The following TSPAN18 variants were observed in gnomAD, a reference collection of about 807,000 sequenced individuals.
TSPAN18 encodes the protein tetraspanin-18.
Under a neutral mutation model 27.3 loss-of-function variants are expected in TSPAN18, and 14 were observed. The ratio of observed to expected loss-of-function variants is 0.51; its 90% CI spans 0.34 to 0.80. The LOEUF is 0.80. Ranked by LOEUF, TSPAN18 falls within the 30% of genes least tolerant of loss-of-function variation. The pLI is 0.01. For missense variants in TSPAN18, 268 were observed against 323.9 expected, an observed-to-expected ratio of 0.83 and a Z score of 1.32; for synonymous variants, 143 against 136.5, an observed-to-expected ratio of 1.05 and a Z score of -0.33.
chr11:44,764,967 G>T (rs1014759060), intron 2 of TSPAN18, among the ~76,000 whole-genome samples: 1 of 152,152 alleles, frequency 6.6e-6, no homozygotes, highest in African/African-American at 2.4e-5. Context: ...AAATCCACAA[G>T]TACTAGGATC....
intron 3 of TSPAN18, among the ~76,000 whole-genome samples, chr11:44,882,627 C>CACACAG (rs375349718): frequency 0.037 from 4,838 of 130,562 alleles, 119 homozygotes; most frequent in Middle Eastern, 0.07. Flanking sequence ...CACACACACA[C>CACACAG]AGAGAGAGAG....
chr11:44,897,618 A>G (rs1255932531), intron 3 of TSPAN18: 2 of 465,950 alleles, frequency 4.3e-6, no homozygotes, highest in Non-Finnish European at 7.6e-6. Context: ...ATGAGCTCTA[A>G]TGGGCCCAGA....
chr11:44,897,759 G>C (rs750457163), intron 3 of TSPAN18: 1 of 1,288,658 alleles, frequency 7.8e-7, no homozygotes, highest in Non-Finnish European at 1.0e-6. Context: ...AAGCTGGGCC[G>C]ATAAAAGAAA....
chr11:44,846,414 A>C (rs958847385), intron 2 of TSPAN18, among the ~76,000 whole-genome samples: 2 of 152,078 alleles, frequency 1.3e-5, no homozygotes, highest in Non-Finnish European at 2.9e-5. Flanking sequence ...GTGATGGGGG[A>C]GGGCGCTTGG....
intron 3 of TSPAN18, among the ~76,000 whole-genome samples, chr11:44,881,627 G>C (rs1858491848): frequency 6.6e-6 from 1 of 152,186 alleles, no homozygotes. Flanking sequence ...CTGTAGCCCA[G>C]CAATGCAAGT....
chr11:44,865,930 G>T (rs956013099), intron 3 of TSPAN18, among the ~76,000 whole-genome samples: 1 of 152,226 alleles, frequency 6.6e-6, no homozygotes, highest in Non-Finnish European at 1.5e-5. Flanking sequence ...GGATGGGAGT[G>T]GCCTGAGCCG....
chr11:44,918,011 T>C lies in TSPAN18; in HGVS notation c.298T>C (p.Ser100Pro). ...FILIIFLAEL[S>P]AAILAFIFRE... ...CCTGATCATCTTCCTGGCAGAGCTC[T>C]CAGCAGCCATCCTGGCCTTCATCTT... Residue 100 changes from serine (S) to proline (P), a missense_variant, in exon 6 of 10, where the codon TCA (serine) becomes CCA (proline). Ser to Pro is a moderately conservative substitution (Grantham distance 74). Coordinates refer to ENST00000520358, the MANE Select transcript of TSPAN18 (RefSeq NM_130783.5). 1 of 1,614,160 alleles carries C rather than the reference T, an allele frequency of 6.2e-7. No individual in the cohort carries two copies. Among genetic ancestry groups the C allele is most frequent in the Non-Finnish European group, 8.5e-7 (1 of 1,180,018 alleles).
chr11:44,868,692 C>G (rs750979018), intron 3 of TSPAN18, among the ~76,000 whole-genome samples: 2 of 152,152 alleles, frequency 1.3e-5, no homozygotes, highest in Non-Finnish European at 2.9e-5. Flanking sequence ...AGCCACTGGC[C>G]GGGAGGAGAA....
chr11:44,826,909 C>T (rs1857054765), intron 2 of TSPAN18, among the ~76,000 whole-genome samples: 1 of 152,156 alleles, frequency 6.6e-6, no homozygotes, highest in Non-Finnish European at 1.5e-5. Flanking sequence ...CCTCCCTGAC[C>T]TGTTGGTGCC....
At chr11:44,763,896 G>A (rs1164039665) in intron 1 of TSPAN18, among the ~76,000 whole-genome samples, 2 of 152,000 alleles carry the variant, frequency 1.3e-5, no homozygotes, top group South Asian at 4.2e-4. Flanking sequence ...CTGAGACTGG[G>A]TAATTTATAT....
At chr11:44,925,662 A>G (rs1282317476) in intron 8 of TSPAN18, 1 of 152,240 alleles carries the variant, frequency 6.6e-6, no homozygotes, top group Admixed American at 6.5e-5. Context: ...ACCGTCACCC[A>G]AAAAGGGCTG....
At chr11:44,740,202 G>T (rs1404136899) in intron 1 of TSPAN18, among the ~76,000 whole-genome samples, 2 of 152,226 alleles carry the variant, frequency 1.3e-5, no homozygotes, top group African/African-American at 2.4e-5. Context: ...CTTGTGGGGT[G>T]CAGGGGCCTG....
chr11:44,847,591 C>G (rs1386636505), intron 2 of TSPAN18, among the ~76,000 whole-genome samples: 1 of 152,178 alleles, frequency 6.6e-6, no homozygotes, highest in Non-Finnish European at 1.5e-5. Flanking sequence ...CTGCTATAAA[C>G]ATTTGTGTAC....
intron 1 of TSPAN18, among the ~76,000 whole-genome samples, chr11:44,761,985 C>T (rs1855464470): frequency 1.3e-5 from 2 of 152,226 alleles, no homozygotes; most frequent in South Asian, 4.1e-4. Context: ...AGGCAGAACC[C>T]TGGGTTCAAG....
Position 44,929,283 on chromosome 11 carries a change from T to A in TSPAN18, c.*105T>A. 7.0e-7 allele frequency: 1 copy of A among 1,438,660 alleles called. No homozygotes were observed. Among genetic ancestry groups the A allele is most frequent in the Non-Finnish European group, 9.7e-7 (1 of 1,033,904 alleles). The allele number at this position is 1,438,660 out of a possible 1,614,324, so 89.1% of individuals were successfully genotyped here. ...GTCCTCTTGGCCCCAGGGGAGAAGA[T>A]GAGGCCATCAGAGATGGCCAGGAGA... On this transcript the variant is annotated 3_prime_UTR_variant, in exon 10 of 10. Transcript: ENST00000520358.
chr11:44,901,008 T>G (rs755637992), intron 3 of TSPAN18, among the ~76,000 whole-genome samples: 1 of 152,144 alleles, frequency 6.6e-6, no homozygotes, highest in Non-Finnish European at 1.5e-5. Context: ...GAAGGCATTG[T>G]TTTTATCCTG....
rs1023995466 is a variant in TSPAN18, at chr11:44,931,129, C to T, written c.*1951C>T. The T allele has an allele frequency of 3.4e-5, 12 of 356,408 alleles. No homozygotes were observed. Among genetic ancestry groups the T allele is most frequent in the Non-Finnish European group, 6.1e-5 (11 of 179,072 alleles). 22.1% of individuals were successfully genotyped at this position (356,408 alleles called of 1,614,324 possible). A position where few individuals can be genotyped will look rare whatever the true frequency, so the allele number is the denominator to read the frequency against. ...TCTCTGAGCTCAGTGTTACCAAATT[C>T]GCCCTTTAACAGCTTGCTCTGGCAA... On this transcript the variant is annotated 3_prime_UTR_variant, in exon 10 of 10. Coordinates refer to ENST00000520358, the MANE Select transcript of TSPAN18 (RefSeq NM_130783.5).
chr11:44,875,053 T>G (rs1036098612), intron 3 of TSPAN18, among the ~76,000 whole-genome samples: 12 of 152,218 alleles, frequency 7.9e-5, no homozygotes, highest in Admixed American at 7.9e-4. Context: ...TCCCCAGGGC[T>G]GGAGCAGCAG....
At chr11:44,808,630 T>C (rs1457733868) in intron 2 of TSPAN18, among the ~76,000 whole-genome samples, 1 of 152,126 alleles carries the variant, frequency 6.6e-6, no homozygotes, top group African/African-American at 2.4e-5. Context: ...AGATGGAATC[T>C]CAGGAGATCA....
Sources: gnomAD v4.1 joint callset for allele counts (sites outside exome capture counted in the v4.1 genomes callset) on GRCh38, gnomAD v4.1.1 for gene constraint, MANE v1.5 for transcripts, NCBI Gene and HGNC (gene_info 2026-07-23, HGNC 2026-07-21) for gene names.